Variants in ZNF177 observed in about 807,000 individuals in gnomAD.
The protein encoded by ZNF177 is zinc finger protein 177.
A neutral mutation model predicts 19.4 loss-of-function variants in ZNF177; 17 were observed. The ratio of observed to expected loss-of-function variants is 0.87; its 90% confidence interval spans 0.60 to 1.31. ZNF177 has a LOEUF of 1.31. Among genes scored for constraint, ZNF177 ranks in the 40% most tolerant of loss-of-function variants. ZNF177 has a pLI of 0.00. For synonymous variants in ZNF177, 220 were observed against 188.7 expected (o/e 1.17, Z -1.36); for missense variants, 633 against 561.8 (o/e 1.13, Z -1.28).
rs2068154351 is a variant in ZNF177, at chr19:9,379,233, G to A, written c.160+145G>A. ...CTGCCCTTGAGGGGGCAGTCCAGTG[G>A]CTTCCCATGAAAATGCACTGATTTC... On this transcript the variant is annotated intron_variant, in intron 3 of 5. Transcript: ENST00000589262. The A allele has an allele frequency of 2.2e-6, 3 of 1,335,134 alleles. No homozygotes were observed. The African/African-American group carries it at 4.5e-5, about 20-fold the overall frequency. The allele number at this position is 1,335,134 out of a possible 1,614,324, so 82.7% of individuals were successfully genotyped here.
rs1568385908 is a variant in ZNF177, at chr19:9,381,583, C to CA, written c.1253dup (p.His418GlnfsTer4). On this transcript the variant is annotated frameshift_variant, in exon 6 of 6. Transcript: ENST00000589262. LOFTEE classifies it low-confidence loss of function (END_TRUNC). ...TTACCTTATTGTGCACAAGAGAACTCACACTGGTGAGAAAACCTATGAGTG... is the reference window on the plus strand; with the variant it reads ...TTACCTTATTGTGCACAAGAGAACTCAACACTGGTGAGAAAACCTATGAGTG... 3 of 1,614,150 alleles carry CA rather than the reference C, an allele frequency of 1.9e-6. No homozygotes were observed. The highest frequency in any genetic ancestry group is 1.6e-4 in the Middle Eastern group (1 of 6,062).
At chr19:9,364,677 A>T (rs2067953730) in intron 1 of ZNF177, among the ~76,000 whole-genome samples, 185 bp from the exon 2 acceptor site, 2 of 152,218 alleles carry the variant, frequency 1.3e-5, no homozygotes. Context: ...GATGCAAAGT[A>T]AAAAGATGAG....
At chr19:9,366,012 C>T (rs1207223902) in intron 2 of ZNF177, among the ~76,000 whole-genome samples, 1 of 152,134 alleles carries the variant, frequency 6.6e-6, no homozygotes. Flanking sequence ...AGCACCAAAT[C>T]TACCTCTGTC....
exon 3 of ZNF177, chr19:9,379,037 A>T: frequency 6.2e-7 from 1 of 1,611,558 alleles, no homozygotes. Flanking sequence ...TGCTCAAAAA[A>T]ATCTATACAA....
chr19:9,378,151 A>G (rs2068138354), intron 1 of ZNF177, 108 bp from the exon 4 acceptor site: 10 of 975,250 alleles, frequency 1.0e-5, no homozygotes, highest in Non-Finnish European at 1.3e-5. Context: ...AATTGTAACT[A>G]CACTCTATGT....
intron 4 of ZNF177, among the ~76,000 whole-genome samples, 163 bp from the exon 7 acceptor site, chr19:9,379,894 A>G (rs1008933900): frequency 6.6e-6 from 1 of 152,096 alleles, no homozygotes; most frequent in Non-Finnish European, 1.5e-5. Context: ...TCCCATTTCT[A>G]CTGCTTGTTC....
At chr19:9,379,248 G>A in intron 3 of ZNF177, 160 bp downstream of exon 5, 3 of 1,262,954 alleles carry the variant, frequency 2.4e-6, no homozygotes, top group East Asian at 5.2e-5. Context: ...CCATGAAAAT[G>A]CACTGATTTC....
At chr19:9,380,174 A>T (rs1469434097) in intron 5 of ZNF177, 35 bp downstream of exon 7, 1 of 1,574,326 alleles carries the variant, frequency 6.4e-7, no homozygotes, top group African/African-American at 1.4e-5. Context: ...TGGTCTTTGT[A>T]GTAGAAGTCT....
chr19:9,364,930 G>A (rs532975415), exon 2 of ZNF177: 1 of 152,318 alleles, frequency 6.6e-6, no homozygotes, highest in South Asian at 2.1e-4. Context: ...AGGTAGCCAA[G>A]GATGGAGTGA....
chr19:9,380,029 A>G, intron 4 of ZNF177, 28 bp from the exon 7 acceptor site: 1 of 1,599,740 alleles, frequency 6.3e-7, no homozygotes, highest in Non-Finnish European at 8.5e-7. Flanking sequence ...TTCTCCCAAT[A>G]ATTATAAAAA....
At position 9,379,221 on chromosome 19, in the gene ZNF177, G is replaced by A. The variant is rs939150077; in HGVS notation, c.160+133G>A. The A allele has an allele frequency of 3.6e-6, 5 of 1,390,244 alleles. No individual in the cohort carries two copies. In the African/African-American group the frequency reaches 7.3e-5, roughly 20 times the overall value. 86.1% of individuals were successfully genotyped at this position (1,390,244 alleles called of 1,614,324 possible). On this transcript the variant is annotated intron_variant, in intron 3 of 5. Transcript: ENST00000589262. ...AATGAATGGTCCCTGCCCTTGAGGG[G>A]GCAGTCCAGTGGCTTCCCATGAAAA...
At position 9,379,662 on chromosome 19, in the gene ZNF177, G is replaced by A. The variant is rs117715443; in HGVS notation, c.253+43G>A. ...CAGGGTGCAGCCTTGGCCAGTGAGG[G>A]TTAGTACATTTGGGAATGTCACTCA... is the stretch of plus-strand genomic sequence containing the variant. On this transcript the variant is annotated intron_variant, in intron 4 of 5. Transcript: ENST00000589262. 4 of 1,597,880 alleles carry A rather than the reference G, an allele frequency of 2.5e-6. No homozygotes were observed. In the African/African-American group the frequency reaches 4.0e-5, roughly 16 times the overall value.
exon 6 of ZNF177, chr19:9,381,772 G>A: frequency 6.3e-7 from 1 of 1,593,566 alleles, no homozygotes. Flanking sequence ...GAAACTCCAT[G>A]AATGAAATGA....
chr19:9,372,970 T>A (rs1003623536), upstream of ZNF177, among the ~76,000 whole-genome samples: 1 of 152,178 alleles, frequency 6.6e-6, no homozygotes, highest in Non-Finnish European at 1.5e-5. Flanking sequence ...TCTGAAATGA[T>A]CATCACAGTC....
chr19:9,381,891 G>A (rs2068209249), exon 6 of ZNF177: 2 of 1,458,674 alleles, frequency 1.4e-6, no homozygotes, highest in Non-Finnish European at 1.8e-6. Flanking sequence ...CCCAACTCTG[G>A]ATGCCTGTTA....
chr19:9,378,684 A>G (rs572812681), intron 2 of ZNF177: 14 of 542,364 alleles, frequency 2.6e-5, no homozygotes, highest in Admixed American at 1.7e-4. Context: ...ATAAGACGAA[A>G]AGAGTCCTCA....
At chr19:9,372,866 A>G (rs975753659), upstream of ZNF177, among the ~76,000 whole-genome samples, 1 of 152,082 alleles carries the variant, frequency 6.6e-6, no homozygotes, top group African/African-American at 2.4e-5. Flanking sequence ...TTTCTGAAGC[A>G]TGGTTTTCCA....
chr19:9,363,157 TC>T (rs1354997050), intron 1 of ZNF177, 73 bp downstream of exon 1: 1 of 152,312 alleles, frequency 6.6e-6, no homozygotes, highest in Admixed American at 6.5e-5. Flanking sequence ...CCCCGGCTGC[TC>T]CAGACCTTGC....
chr19:9,366,881 T>G (rs1211856684), intron 2 of ZNF177, among the ~76,000 whole-genome samples: 2 of 152,240 alleles, frequency 1.3e-5, no homozygotes, highest in Non-Finnish European at 2.9e-5. Context: ...CTCACCTTAA[T>G]GTGTGAAGTG....
Sources: allele counts gnomAD v4.1 joint callset (sites outside exome capture counted in the v4.1 genomes callset), GRCh38; gene constraint gnomAD v4.1.1; transcripts MANE v1.5; gene names NCBI Gene and HGNC (gene_info 2026-07-23, HGNC 2026-07-21).